The following GPM6A variants were observed in gnomAD, a reference collection of about 807,000 sequenced individuals.
GPM6A encodes the protein neuronal membrane glycoprotein M6-a.
GPM6A carries 7 observed loss-of-function variants against 32.1 expected under a neutral mutation model. The observed-to-expected ratio is 0.22, with a 90% CI of 0.12 to 0.41. The LOEUF is 0.41. GPM6A is among the 10% of genes least tolerant of loss of function. The pLI, the probability that GPM6A is intolerant of heterozygous loss-of-function variation, is 1.00. For missense variants in GPM6A, 235 were observed against 347.2 expected, an observed-to-expected ratio of 0.68 and a Z score of 2.57; for synonymous variants, 130 against 123.4, an observed-to-expected ratio of 1.05 and a Z score of -0.35.
In GPM6A at chr4:176,002,114, C is replaced by G. The variant is rs182983923; in HGVS notation, c.-23+195G>C. Among the ~76,000 whole-genome samples, 440 of 152,216 alleles carry G rather than the reference C, an allele frequency of 2.9e-3. 19 individuals carry two copies. The East Asian group carries it at 0.068, about 23-fold the overall frequency. Reference sequence around the variant, plus strand: ...ACCCTCCCTCGCCTCCAGGTGCCACCCCATCGCCATCGCCTCTCTCCCAGA... The same window carrying G: ...ACCCTCCCTCGCCTCCAGGTGCCACGCCATCGCCATCGCCTCTCTCCCAGA... On this transcript the variant is annotated intron_variant, in intron 1 of 7. Coordinates refer to the GPM6A transcript ENST00000280187.
chr4:175,673,589 A>G (rs1743199826), intron 3 of GPM6A, 91 bp downstream of exon 3: 1 of 898,582 alleles, frequency 1.1e-6, no homozygotes. Context: ...TGTGAAAAAA[A>G]AATACTTTAA....
At chr4:175,872,903 C>A (rs1736955920) in intron 1 of GPM6A, among the ~76,000 whole-genome samples, 1 of 152,050 alleles carries the variant, frequency 6.6e-6, no homozygotes, top group South Asian at 2.1e-4. Context: ...TTAAACTATA[C>A]TCTCTGGGTT....
chr4:175,703,445 A>G (rs1278461007), intron 1 of GPM6A, among the ~76,000 whole-genome samples: 1 of 152,182 alleles, frequency 6.6e-6, no homozygotes, highest in East Asian at 1.9e-4. Flanking sequence ...TGCTGGGATT[A>G]TAAGCATGAG....
At chr4:175,954,290 G>A (rs1018023810) in intron 1 of GPM6A, among the ~76,000 whole-genome samples, 6 of 152,180 alleles carry the variant, frequency 3.9e-5, no homozygotes, top group African/African-American at 1.2e-4. Flanking sequence ...GATCTAGAAC[G>A]TTTTCATCAT....
chr4:175,664,941 G>A (rs933741075), intron 3 of GPM6A, among the ~76,000 whole-genome samples: 19 of 151,378 alleles, frequency 1.3e-4, no homozygotes, highest in African/African-American at 2.9e-4. Flanking sequence ...TTCTCAGGCC[G>A]TAAATCTACA....
chr4:175,637,826 TA>T (rs903237643), intron 6 of GPM6A, among the ~76,000 whole-genome samples: 7 of 117,332 alleles, frequency 6.0e-5, no homozygotes, highest in South Asian at 2.3e-4. Context: ...ATATTATATA[TA>T]AAAATATATA....
chr4:176,000,578 A>G (rs28700036), intron 1 of GPM6A, among the ~76,000 whole-genome samples: 4,122 of 152,276 alleles, frequency 0.027, 212 homozygotes, highest in African/African-American at 0.094. Flanking sequence ...TAAATTATGT[A>G]ATTCTTTCTA....
rs73871265 is a variant in GPM6A at position 175,905,420 on chromosome 4, G to C, written c.-22-93171C>G. Among the ~76,000 whole-genome samples, 1,363 of 152,002 alleles carry C rather than the reference G, an allele frequency of 9.0e-3. 19 individuals are homozygous for C. The highest frequency in any genetic ancestry group is 0.029 in the African/African-American group (1,202 of 41,468). On this transcript the variant is annotated intron_variant, in intron 1 of 7. Transcript: ENST00000280187. ...TCAGCTATTGTTAGTGTTAATGTTA[G>C]TGTATTTTATGTGTGGCCCAAGACA...
chr4:175,920,566 G>A (rs1022880770), intron 1 of GPM6A, among the ~76,000 whole-genome samples: 6 of 152,186 alleles, frequency 3.9e-5, no homozygotes, highest in East Asian at 1.9e-4. Flanking sequence ...AGAATTATAC[G>A]GCTGGGCGTG....
At chr4:175,894,854 A>G (rs1737750256) in intron 1 of GPM6A, among the ~76,000 whole-genome samples, 1 of 152,320 alleles carries the variant, frequency 6.6e-6, no homozygotes, top group South Asian at 2.1e-4. Context: ...TCGAAGTTCA[A>G]AAAGAGATTA....
At chr4:175,990,949 C>T (rs778807875) in intron 1 of GPM6A, among the ~76,000 whole-genome samples, 36 of 152,030 alleles carry the variant, frequency 2.4e-4, no homozygotes, top group Admixed American at 3.9e-4. Flanking sequence ...ACTTACAAAT[C>T]GTATACTTGT....
chr4:175,676,301 C>T (rs935162695), intron 2 of GPM6A, among the ~76,000 whole-genome samples: 5 of 152,120 alleles, frequency 3.3e-5, no homozygotes, highest in Non-Finnish European at 7.4e-5. Flanking sequence ...TGGCCTCCTA[C>T]AGTGCTAGGA....
chr4:175,939,496 AC>A (rs1739340078), intron 1 of GPM6A, among the ~76,000 whole-genome samples: 1 of 152,238 alleles, frequency 6.6e-6, no homozygotes, highest in Non-Finnish European at 1.5e-5. Flanking sequence ...AGTTAAAAGT[AC>A]TAAATAAAAA....
At chr4:175,756,813 A>G (rs1732545892) in intron 1 of GPM6A, among the ~76,000 whole-genome samples, 1 of 152,184 alleles carries the variant, frequency 6.6e-6, no homozygotes, top group East Asian at 1.9e-4. Context: ...CAATAGAAGG[A>G]CAAGTAAAAT....
At chr4:175,911,143 A>T (rs930430839) in intron 1 of GPM6A, among the ~76,000 whole-genome samples, 3 of 152,196 alleles carry the variant, frequency 2.0e-5, no homozygotes, top group Non-Finnish European at 2.9e-5. Flanking sequence ...CTTAGACACC[A>T]GTCTATCCAG....
chr4:175,650,270 T>TTTTATTTA lies in GPM6A; in HGVS notation c.541+1556_541+1563dup, dbSNP rs140528336. Among the ~76,000 whole-genome samples, 292 of 143,136 alleles carry TTTTATTTA rather than the reference T, an allele frequency of 2.0e-3. 1 individual carries two copies. The highest frequency in any genetic ancestry group is 7.0e-3 in the Middle Eastern group (2 of 286). 93.9% of individuals were successfully genotyped at this position (143,136 alleles called of 152,430 possible). A position where few individuals can be genotyped will look rare whatever the true frequency, so the allele number is the denominator to read the frequency against. On this transcript the variant is annotated intron_variant, in intron 4 of 6. Transcript: ENST00000393658. ...TATTTGGCACTCTTTGATTTCATTA[T>TTTTATTTA]TTTATTTATTTATTTATTTATTTAT... is the stretch of plus-strand genomic sequence containing the variant.
intron 1 of GPM6A, among the ~76,000 whole-genome samples, chr4:175,702,743 T>G (rs537300745): frequency 1.3e-5 from 2 of 152,220 alleles, no homozygotes; most frequent in Admixed American, 6.5e-5. Flanking sequence ...TCTCGAACTC[T>G]TGACCTCAAA....
intron 1 of GPM6A, among the ~76,000 whole-genome samples, chr4:175,889,545 G>A (rs1407096857): frequency 6.8e-6 from 1 of 147,352 alleles, no homozygotes; most frequent in Non-Finnish European, 1.5e-5. Context: ...GCCAGGCGCA[G>A]TGGCTCGCGC....
intron 1 of GPM6A, among the ~76,000 whole-genome samples, chr4:175,710,699 G>T (rs957706331): frequency 6.6e-6 from 1 of 152,044 alleles, no homozygotes; most frequent in African/African-American, 2.4e-5. Context: ...AAATTCTCAG[G>T]AGACATATTT....
Sources: gnomAD v4.1 joint callset for allele counts (sites outside exome capture counted in the v4.1 genomes callset) on GRCh38, gnomAD v4.1.1 for gene constraint, MANE v1.5 for transcripts, NCBI Gene and HGNC (gene_info 2026-07-23, HGNC 2026-07-21) for gene names.